Variants in FYTTD1 observed in about 807,000 individuals in gnomAD.
FYTTD1 encodes UAP56-interacting factor.
Under a neutral mutation model 40.9 loss-of-function variants are expected in FYTTD1, and 22 were observed. That is an observed-to-expected ratio of 0.54 (90% CI 0.38 to 0.77). The LOEUF is 0.77. Among genes scored for constraint, FYTTD1 ranks in the 30% least tolerant of loss-of-function variants. The pLI is 0.00. For missense variants in FYTTD1, 351 were observed against 392.2 expected, an observed-to-expected ratio of 0.90 and a Z score of 0.89; for synonymous variants, 140 against 137.9, an observed-to-expected ratio of 1.01 and a Z score of -0.10.
chr3:197,752,060 G>C (rs1380858484), intron 1 of FYTTD1, among the ~76,000 whole-genome samples: 3 of 152,140 alleles, frequency 2.0e-5, no homozygotes, highest in Non-Finnish European at 4.4e-5. Flanking sequence ...ATTTTTAGTA[G>C]AGACAGGGTT....
chr3:197,780,217 T>G (rs1435365139), intron 8 of FYTTD1, among the ~76,000 whole-genome samples: 2 of 152,012 alleles, frequency 1.3e-5, no homozygotes, highest in African/African-American at 4.8e-5. Context: ...CACACCATAC[T>G]TGGCTAATTC....
chr3:197,763,649 T>C (rs765958569), intron 2 of FYTTD1: 67 of 289,170 alleles, frequency 2.3e-4, no homozygotes, highest in Non-Finnish European at 4.2e-4. Flanking sequence ...GTACTGAGAC[T>C]AAAAAGTTTG....
intron 6 of FYTTD1, 127 bp downstream of exon 6, chr3:197,774,337 G>A: frequency 1.3e-6 from 1 of 765,074 alleles, no homozygotes; most frequent in Non-Finnish European, 2.2e-6. Flanking sequence ...TCTGAAAGCT[G>A]GGCATAGTGG....
At chr3:197,759,731 AGC>A (rs1729316725) in intron 2 of FYTTD1, among the ~76,000 whole-genome samples, 1 of 146,746 alleles carries the variant, frequency 6.8e-6, no homozygotes, top group African/African-American at 2.6e-5. Context: ...TAGAACGTAT[AGC>A]GTGTTCTTCA....
intron 2 of FYTTD1, among the ~76,000 whole-genome samples, chr3:197,764,854 T>G (rs554540419): frequency 1.3e-4 from 20 of 150,822 alleles, no homozygotes; most frequent in Non-Finnish European, 2.8e-4. Flanking sequence ...CCATACTTTT[T>G]TTTTTTGGGG....
chr3:197,771,066 G>T (rs1233719693), intron 4 of FYTTD1, among the ~76,000 whole-genome samples: 1 of 151,962 alleles, frequency 6.6e-6, no homozygotes, highest in African/African-American at 2.4e-5. Context: ...AAAAATTATG[G>T]CCTGTGAGCT....
rs1447406559 is a variant in FYTTD1 at position 197,784,024 on chromosome 3, C to CTT, written c.*2117_*2118dup. The CTT allele has an allele frequency of 1.3e-5, 2 of 151,964 alleles. No individual in the cohort carries two copies. The highest frequency in any genetic ancestry group is 4.9e-5 in the African/African-American group (2 of 41,200). The allele number at this position is 151,964 out of a possible 1,614,324, so 9.4% of individuals were successfully genotyped here. On this transcript the variant is annotated 3_prime_UTR_variant, in exon 9 of 9. Coordinates refer to ENST00000241502, the MANE Select transcript of FYTTD1 (RefSeq NM_032288.7). ...TATTGTATATAAACAAAACAATATG[C>CTT]TTTGTTGAAGGAAAATTTTCTTTAT...
chr3:197,776,380 A>ATTTTT (rs199559563), intron 6 of FYTTD1, among the ~76,000 whole-genome samples: 1 of 117,554 alleles, frequency 8.5e-6, no homozygotes, highest in African/African-American at 3.0e-5. Context: ...CCCAGCTTAA[A>ATTTTT]TTTGTTTTTT....
chr3:197,750,879 A>G (rs1473975350), intron 1 of FYTTD1: 7 of 982,992 alleles, frequency 7.1e-6, no homozygotes, highest in Admixed American at 6.2e-5. Flanking sequence ...CTTGCCGATT[A>G]TATAAAAACC....
chr3:197,759,941 G>A (rs780737100), intron 2 of FYTTD1, among the ~76,000 whole-genome samples: 1 of 151,876 alleles, frequency 6.6e-6, no homozygotes, highest in Non-Finnish European at 1.5e-5. Context: ...TTCAGTGGTA[G>A]AATGTATAGA....
intron 2 of FYTTD1, among the ~76,000 whole-genome samples, chr3:197,765,383 T>G (rs1419927541): frequency 6.6e-6 from 1 of 152,166 alleles, no homozygotes; most frequent in African/African-American, 2.4e-5. Context: ...TCATACAAAT[T>G]ATAGTACTCA....
chr3:197,778,411 A>G lies in FYTTD1; in HGVS notation c.805A>G (p.Lys269Glu). The change falls in exon 8 of 9, where the codon AAA becomes GAA. Residue 269 changes from lysine (K) to glutamate (E), a missense_variant. Lys to Glu is a moderately conservative substitution (Grantham distance 56). Transcript: ENST00000241502. Reference protein sequence around the residue: ...LTKREQSDVKKVPKGVPLQFD... With the variant: ...LTKREQSDVKEVPKGVPLQFD... The stretch of plus-strand genomic sequence containing the variant: ...AAAGCGGGAGCAAAGTGACGTCAAG[A>G]AAGTTCCTAAAGGTGTTCCCCTGCA... 6.2e-7 allele frequency: 1 copy of G among 1,611,524 alleles called. No homozygotes were observed. The highest frequency in any genetic ancestry group is 8.5e-7 in the Non-Finnish European group (1 of 1,177,900).
chr3:197,767,985 A>G (rs201530844), intron 2 of FYTTD1, among the ~76,000 whole-genome samples: 2 of 152,242 alleles, frequency 1.3e-5, no homozygotes, highest in East Asian at 3.8e-4. Flanking sequence ...TTGAGCACAT[A>G]TGAATATATT....
intron 1 of FYTTD1, chr3:197,750,667 A>ATTTC: frequency 1.0e-6 from 1 of 985,458 alleles, no homozygotes; most frequent in Non-Finnish European, 1.2e-6. Context: ...TCTGTCAGAA[A>ATTTC]GGAAGCAGCG....
intron 4 of FYTTD1, among the ~76,000 whole-genome samples, chr3:197,771,824 C>T (rs188051422): frequency 6.9e-5 from 10 of 144,288 alleles, no homozygotes; most frequent in East Asian, 6.3e-4. Context: ...ATGTGGTGAC[C>T]GGTGCATGCC....
chr3:197,759,032 TGTATAGAGTTGTTCTTCAGTGGTAGAAA>T (rs1580448794), intron 2 of FYTTD1, among the ~76,000 whole-genome samples: 5 of 151,802 alleles, frequency 3.3e-5, no homozygotes, highest in East Asian at 2.0e-4. Context: ...AGTGGTAGAA[TGTATAGAGTTGTTCTTCAGTGGTAGAAA>T]GTATAGAGTT....
At chr3:197,764,867 G>GT (rs1309508773) in intron 2 of FYTTD1, among the ~76,000 whole-genome samples, 1 of 150,872 alleles carries the variant, frequency 6.6e-6, no homozygotes, top group Non-Finnish European at 1.5e-5. Flanking sequence ...TTTTGGGGGG[G>GT]GAGGATGGAG....
chr3:197,755,757 G>A (rs1364305214), intron 1 of FYTTD1: 2 of 1,539,404 alleles, frequency 1.3e-6, no homozygotes, highest in Non-Finnish European at 1.8e-6. Flanking sequence ...CAAAGTGCTG[G>A]GATTATAGGT....
In FYTTD1 at chr3:197,785,866, A is replaced by G. The variant is rs1280163586; in HGVS notation, c.*3957A>G. 1 of 151,616 alleles carries G rather than the reference A, an allele frequency of 6.6e-6. No individual in the cohort carries two copies. Among genetic ancestry groups the G allele is most frequent in the East Asian group, 1.9e-4 (1 of 5,194 alleles). 9.4% of individuals were successfully genotyped at this position (151,616 alleles called of 1,614,324 possible). A position where few individuals can be genotyped will look rare whatever the true frequency, so the allele number is the denominator to read the frequency against. On this transcript the variant is annotated 3_prime_UTR_variant, in exon 9 of 9. Coordinates refer to ENST00000241502, the MANE Select transcript of FYTTD1 (RefSeq NM_032288.7). ...ATTATTATTATTTTGCCACTGTGAA[A>G]AAGCAGTTAAGCATGTAAAACTTCC...
Sources: allele counts gnomAD v4.1 joint callset (sites outside exome capture counted in the v4.1 genomes callset), GRCh38; gene constraint gnomAD v4.1.1; transcripts MANE v1.5; gene names NCBI Gene and HGNC (gene_info 2026-07-23, HGNC 2026-07-21).